The following SEMA6D variants were observed in gnomAD, a reference collection of about 807,000 sequenced individuals.
SEMA6D encodes semaphorin-6D.
A neutral mutation model predicts 106.6 loss-of-function variants in SEMA6D; 35 were observed. That is an observed-to-expected ratio of 0.33 (90% CI 0.25 to 0.44). SEMA6D has a LOEUF of 0.44. SEMA6D is among the 20% of genes least tolerant of loss of function. SEMA6D has a pLI of 1.00. For synonymous variants in SEMA6D, 499 were observed against 487.7 expected, an observed-to-expected ratio of 1.02 and a Z score of -0.31; for missense variants, 1,185 against 1,345.9, an observed-to-expected ratio of 0.88 and a Z score of 1.87.
At chr15:47,654,476 A>G (rs1321889240) in intron 4 of SEMA6D, among the ~76,000 whole-genome samples, 1 of 152,228 alleles carries the variant, frequency 6.6e-6, no homozygotes, top group East Asian at 1.9e-4. Context: ...GAGAGACTAT[A>G]TATATACCAT....
intron 1 of SEMA6D, among the ~76,000 whole-genome samples, chr15:47,378,287 G>T (rs2039518461): frequency 6.6e-6 from 1 of 152,174 alleles, no homozygotes; most frequent in Non-Finnish European, 1.5e-5. Context: ...CCTGAGGTCA[G>T]GAGTTCAAGG....
intron 4 of SEMA6D, among the ~76,000 whole-genome samples, chr15:47,646,447 A>T (rs1329891408): frequency 2.0e-5 from 3 of 152,212 alleles, no homozygotes; most frequent in African/African-American, 7.2e-5. Context: ...TAAGAAAAAG[A>T]CACTTAAGAA....
chr15:47,442,693 C>T (rs959133029), intron 2 of SEMA6D, among the ~76,000 whole-genome samples: 3 of 152,112 alleles, frequency 2.0e-5, no homozygotes, highest in African/African-American at 7.2e-5. Flanking sequence ...GTCCATATTA[C>T]TGTTATTTGC....
At chr15:47,693,528 G>A (rs1357487454) in intron 4 of SEMA6D, among the ~76,000 whole-genome samples, 3 of 152,080 alleles carry the variant, frequency 2.0e-5, no homozygotes, top group Non-Finnish European at 4.4e-5. Flanking sequence ...CTATCACTGT[G>A]ACAGTCCCCA....
intron 1 of SEMA6D, among the ~76,000 whole-genome samples, chr15:47,372,958 C>T (rs1567035203): frequency 6.6e-6 from 1 of 152,192 alleles, no homozygotes; most frequent in Non-Finnish European, 1.5e-5. Flanking sequence ...TCTTTGATGA[C>T]AAGGTCACCA....
At chr15:47,747,277 A>G (rs1035111053) in intron 1 of SEMA6D, among the ~76,000 whole-genome samples, 5 of 152,186 alleles carry the variant, frequency 3.3e-5, no homozygotes, top group Non-Finnish European at 5.9e-5. Flanking sequence ...TATGGTCCCC[A>G]GAGCAGTGGT....
At chr15:47,736,818 G>A (rs1384774814) in intron 1 of SEMA6D, among the ~76,000 whole-genome samples, 1 of 152,078 alleles carries the variant, frequency 6.6e-6, no homozygotes, top group Non-Finnish European at 1.5e-5. Context: ...TCAGTTTTTT[G>A]TTTGCTTTTA....
At chr15:47,449,853 T>C (rs2042135950) in intron 2 of SEMA6D, among the ~76,000 whole-genome samples, 1 of 152,098 alleles carries the variant, frequency 6.6e-6, no homozygotes, top group African/African-American at 2.4e-5. Context: ...TAAATACATA[T>C]TTATAATAAG....
intron 1 of SEMA6D, among the ~76,000 whole-genome samples, chr15:47,755,310 G>T (rs887950747): frequency 6.6e-6 from 1 of 151,816 alleles, no homozygotes; most frequent in Non-Finnish European, 1.5e-5. Context: ...TCTCCATGTT[G>T]TCATCTTTTT....
At position 47,771,352 on chromosome 15, in the gene SEMA6D, A is replaced by G. The variant is rs1226228292; in HGVS notation, c.2789A>G (p.Tyr930Cys). The stretch of plus-strand genomic sequence containing the variant: ...GTCCCTAACCGGGAGGCATCGCTAT[A>G]CTCCCCTCCTTCAACTCTCCCCAGA... ...PKVPNREASL[Y>C]SPPSTLPRNS... Residue 930 changes from tyrosine to cysteine, a missense_variant, in exon 19 of 19, where the codon TAC becomes TGC. By Grantham distance (194) the Tyr-to-Cys change is radical (BLOSUM62 -2). Around this residue, in one of 3 missense-constraint regions of SEMA6D, gnomAD observed 750 missense variants for 783.5 expected, o/e 0.96. Transcript: ENST00000536845. The G allele has an allele frequency of 1.9e-6, 3 of 1,613,538 alleles. No individual in the cohort carries two copies. Among genetic ancestry groups the G allele is most frequent in the Admixed American group, 1.7e-5 (1 of 59,958 alleles).
At chr15:47,614,679 G>T (rs1359893444) in intron 4 of SEMA6D, among the ~76,000 whole-genome samples, 1 of 152,128 alleles carries the variant, frequency 6.6e-6, no homozygotes, top group Non-Finnish European at 1.5e-5. Flanking sequence ...TGTTCCCTAA[G>T]AGTTCCCACC....
At chr15:47,672,527 A>G (rs1446769198) in intron 4 of SEMA6D, among the ~76,000 whole-genome samples, 4 of 152,340 alleles carry the variant, frequency 2.6e-5, no homozygotes, top group African/African-American at 9.6e-5. Context: ...AAAATATTAT[A>G]TATGCCAATA....
At chr15:47,386,324 A>G (rs2039838466) in intron 1 of SEMA6D, among the ~76,000 whole-genome samples, 1 of 152,194 alleles carries the variant, frequency 6.6e-6, no homozygotes, top group South Asian at 2.1e-4. Context: ...GGGTGGAATT[A>G]AAAGAAAGCT....
At chr15:47,681,005 C>T (rs61066933) in intron 4 of SEMA6D, among the ~76,000 whole-genome samples, 27,940 of 152,094 alleles carry the variant, frequency 0.18, 3,096 homozygotes, top group South Asian at 0.27. Flanking sequence ...ATGTTGTTGC[C>T]GCTATGGAAA....
chr15:47,239,307 G>A (rs925208683), intron 1 of SEMA6D, among the ~76,000 whole-genome samples: 1 of 152,110 alleles, frequency 6.6e-6, no homozygotes, highest in Admixed American at 6.5e-5. Context: ...CTACATTATG[G>A]TAAGTTTATA....
chr15:47,227,429 C>CTTTCTTTCTTTCTTTCTTTCT (rs1555407178), intron 1 of SEMA6D, among the ~76,000 whole-genome samples: 1 of 145,614 alleles, frequency 6.9e-6, no homozygotes, highest in African/African-American at 2.6e-5. Flanking sequence ...CTCTTTCTTT[C>CTTTCTTTCTTTCTTTCTTTCT]TTTCTTTCTT....
At chr15:47,238,010 A>G (rs757708326) in intron 1 of SEMA6D, among the ~76,000 whole-genome samples, 7 of 152,132 alleles carry the variant, frequency 4.6e-5, no homozygotes, top group Non-Finnish European at 7.4e-5. Context: ...TGTATGGAGC[A>G]TCCTTGTCAA....
At chr15:47,620,702 A>C (rs965458293) in intron 4 of SEMA6D, among the ~76,000 whole-genome samples, 5 of 125,574 alleles carry the variant, frequency 4.0e-5, no homozygotes, top group Non-Finnish European at 9.2e-5. Context: ...AAATATATAT[A>C]TATATATACA....
intron 4 of SEMA6D, among the ~76,000 whole-genome samples, chr15:47,677,886 CTT>C (rs1291771620): frequency 6.6e-6 from 1 of 152,098 alleles, no homozygotes; most frequent in East Asian, 1.9e-4. Context: ...TGATTAAAGA[CTT>C]TTCACAAAAG....
Sources: gnomAD v4.1 joint callset for allele counts (sites outside exome capture counted in the v4.1 genomes callset) on GRCh38, gnomAD v4.1.1 for gene constraint, gnomAD v4.1.1 regional missense constraint, MANE v1.5 for transcripts, NCBI Gene and HGNC (gene_info 2026-07-23, HGNC 2026-07-21) for gene names.